FGF14: variants seen among roughly 807,000 people sequenced by gnomAD.
FGF14 encodes fibroblast growth factor 14.
FGF14 carries 5 observed loss-of-function variants against 25.5 expected under a neutral mutation model. The observed-to-expected ratio is 0.20, with a 90% CI of 0.10 to 0.41. The LOEUF is 0.41. Ranked by LOEUF, FGF14 falls within the 10% of genes least tolerant of loss-of-function variation. FGF14 has a pLI of 1.00. For missense variants in FGF14, 222 were observed against 320.1 expected (o/e 0.69, Z 2.34); for synonymous variants, 138 against 118.3 (o/e 1.17, Z -1.08).
At chr13:102,374,642 TTTTATATATA>T (rs1257382118) in intron 1 of FGF14, among the ~76,000 whole-genome samples, 21 of 95,658 alleles carry the variant, frequency 2.2e-4, no homozygotes, top group Admixed American at 6.8e-4. Flanking sequence ...ATCTTACATA[TTTTATATATA>T]TATATATATA....
rs1422299542 is a variant in FGF14 at position 101,722,204 on chromosome 13, T to G, written c.*627A>C. The stretch of plus-strand genomic sequence containing the variant: ...TAGTGTGAGCCAGAGACAACAATCT[T>G]TCTTAATCTTTCTTTATAGATGCAA... On this transcript the variant is annotated 3_prime_UTR_variant, in exon 5 of 5. Transcript: ENST00000376143. 1.2e-5 allele frequency: 2 copies of G among 169,208 alleles called. No individual in the cohort carries two copies. Among genetic ancestry groups the G allele is most frequent in the Admixed American group, 5.5e-5 (1 of 18,090 alleles). 10.5% of individuals were successfully genotyped at this position (169,208 alleles called of 1,614,324 possible).
chr13:102,119,175 T>G (rs1254680390), intron 1 of FGF14, among the ~76,000 whole-genome samples: 2 of 152,150 alleles, frequency 1.3e-5, no homozygotes, highest in Non-Finnish European at 2.9e-5. Context: ...CCAAAATGAG[T>G]AAGCTGAATC....
chr13:101,903,526 G>C (rs1380673300), intron 1 of FGF14, among the ~76,000 whole-genome samples: 1 of 151,806 alleles, frequency 6.6e-6, no homozygotes, highest in Non-Finnish European at 1.5e-5. Flanking sequence ...GACTTTTAGT[G>C]GAGACTTGGG....
intron 1 of FGF14, among the ~76,000 whole-genome samples, chr13:102,171,512 CA>C (rs2048242959): frequency 1.3e-5 from 2 of 151,892 alleles, no homozygotes; most frequent in Non-Finnish European, 2.9e-5. Flanking sequence ...CAGGAAGAGA[CA>C]AAAAGCCTAT....
intron 1 of FGF14, among the ~76,000 whole-genome samples, chr13:102,211,067 T>C (rs2050137208): frequency 6.6e-6 from 1 of 152,150 alleles, no homozygotes; most frequent in African/African-American, 2.4e-5. Context: ...TTCTCATTTT[T>C]TATCTTTCTA....
At chr13:101,919,236 C>T (rs1336926819), upstream of FGF14, among the ~76,000 whole-genome samples, 2 of 152,044 alleles carry the variant, frequency 1.3e-5, no homozygotes, top group East Asian at 1.9e-4. Context: ...GCCATTTGTA[C>T]ATTTCAGAAG....
chr13:101,796,305 C>G (rs1039781447), intron 3 of FGF14, among the ~76,000 whole-genome samples: 3 of 152,020 alleles, frequency 2.0e-5, no homozygotes, highest in Admixed American at 2.0e-4. Context: ...CTTGCTGTAG[C>G]CTTCCAGATC....
intron 1 of FGF14, among the ~76,000 whole-genome samples, chr13:101,950,614 G>T (rs548970281): frequency 6.6e-6 from 1 of 152,280 alleles, no homozygotes; most frequent in African/African-American, 2.4e-5. Context: ...ATATCTGTTT[G>T]TGTAGTCACA....
chr13:102,086,379 T>A (rs538523120), intron 1 of FGF14, among the ~76,000 whole-genome samples: 188 of 151,678 alleles, frequency 1.2e-3, no homozygotes, highest in Admixed American at 2.1e-3. Flanking sequence ...AAATACAAAA[T>A]ATTAGCCGGG....
chr13:101,916,322 G>C, intron 1 of FGF14, 131 bp downstream of exon 1: 4 of 1,124,036 alleles, frequency 3.6e-6, no homozygotes, highest in East Asian at 2.5e-5. Context: ...ACGGCACCCA[G>C]AGTGCTCAGA....
chr13:101,894,079 G>C (rs942772768), intron 1 of FGF14, among the ~76,000 whole-genome samples: 2 of 151,574 alleles, frequency 1.3e-5, no homozygotes, highest in African/African-American at 4.9e-5. Flanking sequence ...ATTTAAGAAA[G>C]AGTGACAATA....
chr13:101,953,228 T>C (rs1188479534), intron 1 of FGF14, among the ~76,000 whole-genome samples: 2 of 152,088 alleles, frequency 1.3e-5, no homozygotes, highest in African/African-American at 2.4e-5. Flanking sequence ...CTGAAAACCA[T>C]CTTTTCTTCA....
intron 1 of FGF14, among the ~76,000 whole-genome samples, chr13:101,973,759 C>G (rs953179317): frequency 9.2e-5 from 14 of 152,178 alleles, no homozygotes; most frequent in African/African-American, 3.4e-4. Context: ...CTGCCTTTCC[C>G]AGCCCACTGA....
chr13:102,107,323 T>C (rs2044973437), intron 1 of FGF14, among the ~76,000 whole-genome samples: 1 of 152,174 alleles, frequency 6.6e-6, no homozygotes, highest in Admixed American at 6.5e-5. Context: ...AGGTCAGAAG[T>C]AATAAAAACA....
At chr13:101,762,177 A>G (rs779471613) in intron 3 of FGF14, among the ~76,000 whole-genome samples, 1 of 152,176 alleles carries the variant, frequency 6.6e-6, no homozygotes, top group African/African-American at 2.4e-5. Context: ...CATGCTTTGG[A>G]AAAGCTTGGA....
At chr13:102,338,442 AC>A (rs1472896687) in intron 1 of FGF14, among the ~76,000 whole-genome samples, 1 of 152,190 alleles carries the variant, frequency 6.6e-6, no homozygotes, top group Non-Finnish European at 1.5e-5. Context: ...ACATTTGGGG[AC>A]CCCCAACCAA....
intron 1 of FGF14, among the ~76,000 whole-genome samples, chr13:101,883,191 A>G (rs2045808030): frequency 6.6e-6 from 1 of 152,180 alleles, no homozygotes; most frequent in African/African-American, 2.4e-5. Context: ...ATGCATCTCT[A>G]AAACCCAAAG....
At chr13:102,189,107 G>A (rs1257404738) in intron 1 of FGF14, among the ~76,000 whole-genome samples, 1 of 150,114 alleles carries the variant, frequency 6.7e-6, no homozygotes, top group Non-Finnish European at 1.5e-5. Flanking sequence ...GAGGGAGAGA[G>A]AGATAGAGAG....
At position 101,916,765 on chromosome 13, in the gene FGF14, A is replaced by T; in HGVS notation, c.-120T>A. ...CCCTCGGGGCAGAGGAGGGGGTGCC[A>T]GGCGGGACTGGGGAGAGGGGAAGGG... On this transcript the variant is annotated 5_prime_UTR_variant, in exon 1 of 5. Coordinates refer to ENST00000376143, the MANE Select transcript of FGF14 (RefSeq NM_004115.4). 2 of 830,116 alleles carry T rather than the reference A, an allele frequency of 2.4e-6. No individual in the cohort carries two copies. Among genetic ancestry groups the T allele is most frequent in the Non-Finnish European group, 3.6e-6 (2 of 552,826 alleles). The allele number at this position is 830,116 out of a possible 1,614,324, so 51.4% of individuals were successfully genotyped here.
Sources: gnomAD v4.1 joint callset for allele counts (sites outside exome capture counted in the v4.1 genomes callset) on GRCh38, gnomAD v4.1.1 for gene constraint, MANE v1.5 for transcripts, NCBI Gene and HGNC (gene_info 2026-07-23, HGNC 2026-07-21) for gene names.